The following TRUB1 variants were observed in gnomAD, a reference collection of about 807,000 sequenced individuals.
TRUB1 encodes the protein pseudouridylate synthase TRUB1.
TRUB1 carries 23 observed loss-of-function variants against 33.9 expected under a neutral mutation model. The ratio of observed to expected loss-of-function variants is 0.68; its 90% CI spans 0.49 to 0.96. The LOEUF (loss-of-function observed/expected upper bound fraction) is 0.96, where lower values mean the gene tolerates loss of function less well. Among genes scored for constraint, TRUB1 ranks in the 40% least tolerant of loss-of-function variants. The pLI, the probability that TRUB1 is intolerant of heterozygous loss-of-function variation, is 0.00. For synonymous variants in TRUB1, 163 were observed against 165.4 expected, an observed-to-expected ratio of 0.99 and a Z score of 0.11; for missense variants, 378 against 422.2, an observed-to-expected ratio of 0.90 and a Z score of 0.92.
intron 6 of TRUB1, among the ~76,000 whole-genome samples, chr10:114,972,585 T>C (rs1217630703): frequency 6.6e-6 from 1 of 152,192 alleles, no homozygotes; most frequent in Non-Finnish European, 1.5e-5. Flanking sequence ...GGAGTGTATA[T>C]ACTTTTTAAA....
chr10:114,964,329 C>A (rs1007853584), intron 4 of TRUB1, among the ~76,000 whole-genome samples: 8 of 151,358 alleles, frequency 5.3e-5, no homozygotes, highest in African/African-American at 1.5e-4. Context: ...TTTTTTCTTT[C>A]CCTTTTGAGT....
chr10:114,945,444 G>GATTCTT (rs1334100855), intron 2 of TRUB1, among the ~76,000 whole-genome samples: 1 of 152,230 alleles, frequency 6.6e-6, no homozygotes, highest in African/African-American at 2.4e-5. Context: ...GAGAGGATCA[G>GATTCTT]ATCAGTTGCT....
At position 114,975,292 on chromosome 10, in the gene TRUB1, A is replaced by C; in HGVS notation, c.963A>C (p.Lys321Asn). ...FPAELALKKS[K>N]PESNEQVLSC... is the part of the protein sequence containing the mutation. ...CAGAGTTGGCACTTAAAAAATCAAA[A>C]CCTGAGTCTAATGAACAGGTTTTGA... Residue 321 changes from lysine to asparagine, a missense_variant, in exon 8 of 8, where the codon AAA becomes AAC. Transcript: ENST00000298746. 1 of 1,613,500 alleles carries C rather than the reference A, an allele frequency of 6.2e-7. No homozygotes were observed. The highest frequency in any genetic ancestry group is 2.2e-5 in the East Asian group (1 of 44,856).
intron 2 of TRUB1, among the ~76,000 whole-genome samples, chr10:114,947,095 G>A (rs1390229734): frequency 6.6e-6 from 1 of 152,144 alleles, no homozygotes. Flanking sequence ...GGAAGCAGAG[G>A]TTGGAGTAAT....
At chr10:114,950,025 A>G (rs917090719) in intron 2 of TRUB1, among the ~76,000 whole-genome samples, 2 of 151,614 alleles carry the variant, frequency 1.3e-5, no homozygotes, top group Non-Finnish European at 2.9e-5. Flanking sequence ...TAGCCTCCCA[A>G]GTAGCTGGGA....
chr10:114,945,291 A>G (rs2084206664), intron 2 of TRUB1, among the ~76,000 whole-genome samples: 1 of 152,146 alleles, frequency 6.6e-6, no homozygotes. Context: ...CTCTTGGCAG[A>G]AATTAGGGCT....
At chr10:114,969,622 TTTTCTAAAATCATTGTTTAAAAAA>T (rs2084326175) in intron 4 of TRUB1, 1 of 151,766 alleles carries the variant, frequency 6.6e-6, no homozygotes, top group South Asian at 2.1e-4. Context: ...TTCATTCATA[TTTTCTAAAATCATTGTTTAAAAAA>T]TGCTTGTTTA....
rs931446566 is a variant in TRUB1, at chr10:114,977,044, G to A, written c.*1665G>A. 4.6e-5 allele frequency: 7 copies of A among 152,086 alleles called. No individual in the cohort carries two copies. The highest frequency in any genetic ancestry group is 1.7e-4 in the African/African-American group (7 of 41,412). The allele number at this position is 152,086 out of a possible 1,614,324, so 9.4% of individuals were successfully genotyped here. ...AATACTTAGGTTTTAGAACACATCA[G>A]AGGTATTTCTGCTGTATTTTTCACC... On this transcript the variant is annotated 3_prime_UTR_variant, in exon 8 of 8. Coordinates refer to ENST00000298746, the MANE Select transcript of TRUB1 (RefSeq NM_139169.5).
At chr10:114,966,008 A>G (rs1018197900) in intron 4 of TRUB1, among the ~76,000 whole-genome samples, 6 of 152,152 alleles carry the variant, frequency 3.9e-5, no homozygotes, top group Non-Finnish European at 8.8e-5. Flanking sequence ...TTTTAAAAAC[A>G]GCTTTCTGAA....
Position 114,938,227 on chromosome 10 carries a change from G to A in TRUB1, c.-27G>A, listed in dbSNP as rs769375045. ...TTGCATCATCAGCGTGCACCTCCAC[G>A]ATGAAACAGGTCTGGGCTACAAAAG... On this transcript the variant is annotated 5_prime_UTR_variant, in exon 1 of 8. Coordinates refer to ENST00000298746, the MANE Select transcript of TRUB1 (RefSeq NM_139169.5). 2 of 1,607,268 alleles carry A rather than the reference G, an allele frequency of 1.2e-6. No individual in the cohort carries two copies. The highest frequency in any genetic ancestry group is 1.7e-6 in the Non-Finnish European group (2 of 1,178,180).
chr10:114,971,964 T>A (rs1305650811), intron 5 of TRUB1, among the ~76,000 whole-genome samples, 171 bp from the exon 6 acceptor site: 8 of 152,162 alleles, frequency 5.3e-5, no homozygotes, highest in Non-Finnish European at 1.0e-4. Context: ...CATTATGGAG[T>A]AGATTAGAAT....
At chr10:114,938,585 AGG>A (rs2084171022) in intron 1 of TRUB1, 46 bp downstream of exon 1, 1 of 1,490,178 alleles carries the variant, frequency 6.7e-7, no homozygotes, top group Non-Finnish European at 8.9e-7. Flanking sequence ...TCGCTGCGAG[AGG>A]GGAAGCACAT....
rs527981990 is a variant in TRUB1, at chr10:114,958,596, C to A, written c.442-1130C>A. 5.9e-4 allele frequency among the ~76,000 whole-genome samples: 90 copies of A among 152,270 alleles called. 1 individual carries two copies. Among genetic ancestry groups the A allele is most frequent in the African/African-American group, 2.0e-3 (85 of 41,538 alleles). The stretch of plus-strand genomic sequence containing the variant: ...TTTTATAAAATTGCTCACATAAATA[C>A]AGATTATTTTCAGTGGGAAATAAAG... On this transcript the variant is annotated intron_variant, in intron 3 of 7. Coordinates refer to ENST00000298746, the MANE Select transcript of TRUB1 (RefSeq NM_139169.5).
At chr10:114,967,254 G>C (rs1258770957) in intron 4 of TRUB1, among the ~76,000 whole-genome samples, 1 of 152,166 alleles carries the variant, frequency 6.6e-6, no homozygotes, top group African/African-American at 2.4e-5. Flanking sequence ...AAAAACAAGT[G>C]ATCATGAGAC....
At chr10:114,945,189 A>G (rs1011684447) in intron 2 of TRUB1, among the ~76,000 whole-genome samples, 1 of 152,210 alleles carries the variant, frequency 6.6e-6, no homozygotes, top group African/African-American at 2.4e-5. Context: ...CAAAGTCAGG[A>G]TTTGAGCCCA....
At chr10:114,972,413 T>G (rs2084341149) in intron 6 of TRUB1, 139 bp downstream of exon 6, 2 of 993,072 alleles carry the variant, frequency 2.0e-6, no homozygotes, top group East Asian at 2.7e-5. Flanking sequence ...TAGGATTTCT[T>G]TATACCTTTT....
At chr10:114,951,570 A>G (rs1457557746) in intron 3 of TRUB1, among the ~76,000 whole-genome samples, 2 of 152,232 alleles carry the variant, frequency 1.3e-5, no homozygotes, top group African/African-American at 4.8e-5. Flanking sequence ...ATTAAAGAAA[A>G]GAGTAGGGCC....
intron 4 of TRUB1, among the ~76,000 whole-genome samples, chr10:114,966,511 G>GCA (rs982979370): frequency 6.6e-6 from 1 of 152,128 alleles, no homozygotes; most frequent in African/African-American, 2.4e-5. Context: ...CAATTTTTAT[G>GCA]CACACACACA....
intron 2 of TRUB1, among the ~76,000 whole-genome samples, chr10:114,946,845 A>G (rs1197764374): frequency 2.0e-5 from 3 of 152,178 alleles, no homozygotes; most frequent in Non-Finnish European, 2.9e-5. Context: ...AAGTTTCTCA[A>G]AAATACGTGG....
Sources: gnomAD v4.1 joint callset for allele counts (sites outside exome capture counted in the v4.1 genomes callset) on GRCh38, gnomAD v4.1.1 for gene constraint, MANE v1.5 for transcripts, NCBI Gene and HGNC (gene_info 2026-07-23, HGNC 2026-07-21) for gene names.